TENM1: variants seen among roughly 807,000 people sequenced by gnomAD.
The protein encoded by TENM1 is teneurin transmembrane protein 1, also known as teneurin-1.
A neutral mutation model predicts 174.8 loss-of-function variants in TENM1; 35 were observed. The ratio of observed to expected loss-of-function variants is 0.20; its 90% CI spans 0.15 to 0.27. TENM1 has a LOEUF of 0.27. TENM1 is among the 10% of genes least tolerant of loss of function. The probability of loss-of-function intolerance (pLI) is 1.00; values close to 1 mark genes in which losing one functional copy is unlikely to be tolerated. For synonymous variants in TENM1, 781 were observed against 798.7 expected (o/e 0.98, Z 0.37); for missense variants, 1,633 against 2,130.1 (o/e 0.77, Z 4.59).
At chrX:124,388,345 G>A (rs1443079286) in intron 28 of TENM1, among the ~76,000 whole-genome samples, 3 of 111,960 alleles carry the variant, frequency 2.7e-5, no homozygotes, top group Non-Finnish European at 5.6e-5. Context: ...GTTCCTAGGT[G>A]GTGCTGATGC....
intron 23 of TENM1, among the ~76,000 whole-genome samples, chrX:124,450,888 C>T (rs2061028187): frequency 1.8e-5 from 2 of 112,177 alleles, no homozygotes; most frequent in African/African-American, 3.2e-5. Flanking sequence ...TTGGACAACT[C>T]GTTATGTGAG....
At chrX:125,134,792 C>T in the TENM1 span, among the ~76,000 whole-genome samples, 1 of 111,953 alleles carries the variant, frequency 8.9e-6, no homozygotes, top group African/African-American at 3.2e-5. Context: ...ACTGAATGTG[C>T]TCAAAAGTTC....
chrX:124,883,819 T>A (rs2057340007), intron 3 of TENM1, among the ~76,000 whole-genome samples: 1 of 110,872 alleles, frequency 9.0e-6, no homozygotes, highest in Admixed American at 9.5e-5. Context: ...CTGGGAGGAG[T>A]GCTCAGTTGT....
At chrX:125,121,437 G>A in the TENM1 span, among the ~76,000 whole-genome samples, 24 of 112,158 alleles carry the variant, frequency 2.1e-4, no homozygotes, top group African/African-American at 6.5e-4. Flanking sequence ...GTTTACAATT[G>A]CCATACTTAT....
the TENM1 span, among the ~76,000 whole-genome samples, chrX:125,027,423 G>A: frequency 9.0e-6 from 1 of 111,386 alleles, no homozygotes; most frequent in African/African-American, 3.3e-5. Flanking sequence ...TGAACGAAAG[G>A]AGAGATAAAG....
chrX:124,460,101 G>T (rs1393495084), intron 22 of TENM1, among the ~76,000 whole-genome samples: 2 of 112,039 alleles, frequency 1.8e-5, no homozygotes, highest in Non-Finnish European at 3.8e-5. Flanking sequence ...AGGTTGTGGA[G>T]TAAAAGGAAT....
intron 1 of TENM1, among the ~76,000 whole-genome samples, chrX:124,957,921 AT>A (rs756012035): frequency 1.8e-4 from 20 of 111,774 alleles, no homozygotes; most frequent in Non-Finnish European, 5.6e-5. Context: ...TTATTGGCCA[AT>A]TCACACAACT....
chrX:125,075,138 G>A, the TENM1 span, among the ~76,000 whole-genome samples: 1 of 111,370 alleles, frequency 9.0e-6, no homozygotes, highest in Non-Finnish European at 1.9e-5. Flanking sequence ...ATCACTACCT[G>A]TTACCATACC....
intron 5 of TENM1, among the ~76,000 whole-genome samples, chrX:124,700,285 T>G (rs1464340636): frequency 9.0e-6 from 1 of 111,627 alleles, no homozygotes; most frequent in Non-Finnish European, 1.9e-5. Flanking sequence ...CAGACATTCA[T>G]GCTCTGAAAA....
At chrX:124,575,888 T>C (rs1043954080) in intron 11 of TENM1, among the ~76,000 whole-genome samples, 1 of 111,866 alleles carries the variant, frequency 8.9e-6, no homozygotes, top group Non-Finnish European at 1.9e-5. Context: ...TACTCATTTG[T>C]AGCTACAGAC....
At chrX:125,032,233 G>A in the TENM1 span, among the ~76,000 whole-genome samples, 115 of 108,384 alleles carry the variant, frequency 1.1e-3, no homozygotes, top group African/African-American at 3.6e-3. Context: ...GCAATGGTGC[G>A]ACCTCAGCTC....
intron 16 of TENM1, among the ~76,000 whole-genome samples, chrX:124,527,797 C>T (rs1302571068): frequency 1.9e-5 from 2 of 103,731 alleles, no homozygotes; most frequent in East Asian, 3.0e-4. Flanking sequence ...TACAGGCGCC[C>T]GCCACCACGC....
the TENM1 span, among the ~76,000 whole-genome samples, chrX:125,029,035 C>A: frequency 9.0e-6 from 1 of 111,706 alleles, no homozygotes; most frequent in Non-Finnish European, 1.9e-5. Context: ...GAAAATATTT[C>A]ATTCAATGTT....
the TENM1 span, among the ~76,000 whole-genome samples, chrX:124,985,353 A>C: frequency 2.7e-5 from 3 of 112,589 alleles, no homozygotes; most frequent in South Asian, 1.1e-3. Context: ...AATTTATTTA[A>C]AAATACAAAG....
upstream of TENM1, among the ~76,000 whole-genome samples, chrX:124,964,489 C>T (rs1216011530): frequency 9.0e-6 from 1 of 111,402 alleles, no homozygotes; most frequent in East Asian, 2.8e-4. Context: ...GGTGAGTATA[C>T]TGGTACAGCA....
chrX:124,679,097 T>C (rs1053847884), intron 5 of TENM1, among the ~76,000 whole-genome samples: 2 of 112,346 alleles, frequency 1.8e-5, no homozygotes, highest in African/African-American at 3.2e-5. Flanking sequence ...AATTTTGGGT[T>C]TTTATTTTCT....
At chrX:124,826,985 T>C (rs1031203732) in intron 3 of TENM1, among the ~76,000 whole-genome samples, 4 of 112,121 alleles carry the variant, frequency 3.6e-5, no homozygotes, top group Admixed American at 2.8e-4. Context: ...TACAGATTCT[T>C]TGCAAGAGTA....
intron 3 of TENM1, among the ~76,000 whole-genome samples, chrX:124,885,331 A>C: frequency 9.0e-6 from 1 of 110,905 alleles, no homozygotes; most frequent in Non-Finnish European, 1.9e-5. Context: ...TTTAGAACCC[A>C]GTAATTTTAT....
At chrX:124,534,547 G>A (rs1300675539) in intron 15 of TENM1, among the ~76,000 whole-genome samples, 1 of 112,253 alleles carries the variant, frequency 8.9e-6, no homozygotes, top group African/African-American at 3.2e-5. Flanking sequence ...AATGTCTTTC[G>A]AAAGAAAACA....
Sources: allele counts gnomAD v4.1 joint callset (sites outside exome capture counted in the v4.1 genomes callset), GRCh38; gene constraint gnomAD v4.1.1; transcripts MANE v1.5; gene names NCBI Gene and HGNC (gene_info 2026-07-23, HGNC 2026-07-21).